ERCC2: variants seen among roughly 807,000 people sequenced by gnomAD.
The protein encoded by ERCC2 is ERCC excision repair 2, TFIIH core complex helicase subunit.
ERCC2 carries 90 observed loss-of-function variants against 99.4 expected under a neutral mutation model. The ratio of observed to expected loss-of-function variants is 0.91; its 90% CI spans 0.76 to 1.08. The LOEUF is 1.08. Ranked by LOEUF, ERCC2 falls within the 50% of genes least tolerant of loss-of-function variation. The pLI, the probability that ERCC2 is intolerant of heterozygous loss-of-function variation, is 0.00. For synonymous variants in ERCC2, 497 were observed against 432.4 expected (o/e 1.15, Z -1.85); for missense variants, 993 against 1,038.1 (o/e 0.96, Z 0.60).
chr19:45,352,953 G>T, intron 19 of ERCC2, 130 bp downstream of exon 19: 1 of 1,213,050 alleles, frequency 8.2e-7, no homozygotes, highest in Non-Finnish European at 1.2e-6. Flanking sequence ...GGGACAGAGG[G>T]GAGGGGAGGG....
rs1447777499 is a variant in ERCC2 at position 45,354,783 on chromosome 19, A to C, written c.1612T>G (p.Phe538Val). The C allele has an allele frequency of 6.2e-7, 1 of 1,614,112 alleles. No homozygotes were observed. Among genetic ancestry groups the C allele is most frequent in the Admixed American group, 1.7e-5 (1 of 60,026 alleles). ...TCCATGTACTGGTAGCTGGTGAAGAAGGCCACGATGCCATCAGGGACCACA... is the reference window on the plus strand; with the variant it reads ...TCCATGTACTGGTAGCTGGTGAAGACGGCCACGATGCCATCAGGGACCACA... ...SAVVPDGIVA[F>V]FTSYQYMEST... The change falls in exon 17 of 23, where the codon TTC becomes GTC. Residue 538 changes from phenylalanine to valine, a missense_variant. Physicochemically the swap from Phe to Val is conservative, Grantham distance 50. Coordinates refer to ENST00000391945, the MANE Select transcript of ERCC2 (RefSeq NM_000400.4).
intron 1 of ERCC2, 27 bp downstream of exon 1, chr19:45,370,509 G>T: frequency 5.3e-6 from 8 of 1,509,514 alleles, no homozygotes; most frequent in East Asian, 2.6e-5. Context: ...GCCCGCTAGC[G>T]AGCGCGACCC....
At chr19:45,352,856 G>A (rs1971862430) in intron 19 of ERCC2, 40 bp from the exon 20 acceptor site, 1 of 1,593,128 alleles carries the variant, frequency 6.3e-7, no homozygotes, top group Non-Finnish European at 8.6e-7. Flanking sequence ...GGTTACAAGT[G>A]TGGCTGGTGG....
chr19:45,359,387 G>A (rs973883067), intron 12 of ERCC2, among the ~76,000 whole-genome samples: 3 of 152,180 alleles, frequency 2.0e-5, no homozygotes, highest in African/African-American at 2.4e-5. Flanking sequence ...CCAGGGCAAG[G>A]GCCCAGATCT....
At chr19:45,353,666 CACT>C (rs1025978502) in intron 17 of ERCC2, among the ~76,000 whole-genome samples, 5 of 152,180 alleles carry the variant, frequency 3.3e-5, no homozygotes, top group African/African-American at 7.2e-5. Context: ...TCCCATATGA[CACT>C]ACAATAGAGA....
At position 45,352,340 on chromosome 19, in the gene ERCC2, C is replaced by T. The variant is rs761933302; in HGVS notation, c.2059G>A (p.Gly687Arg). Residue 687 changes from glycine to arginine, a missense_variant, in exon 22 of 23, where the codon GGG becomes AGG. Transcript: ENST00000391945. ...MVFADKRFAR[G>R]DKRGKLPRWI... Reference sequence around the variant, plus strand: ...CGGGGCAGCTTCCCCCGCTTGTCCCCACGGGCAAACCGCTGTGGGCAGAAG... The same window carrying T: ...CGGGGCAGCTTCCCCCGCTTGTCCCTACGGGCAAACCGCTGTGGGCAGAAG... 8 of 1,614,010 alleles carry T rather than the reference C, an allele frequency of 5.0e-6. No individual in the cohort carries two copies. The highest frequency in any genetic ancestry group is 6.8e-6 in the Non-Finnish European group (8 of 1,180,018).
In ERCC2 at chr19:45,356,780, C is replaced by T. The variant is rs559778874; in HGVS notation, c.1479+490G>A. 3.3e-5 allele frequency among the ~76,000 whole-genome samples: 5 copies of T among 152,314 alleles called. No homozygotes were observed. In the South Asian group the frequency reaches 1.0e-3, roughly 32 times the overall value. ...TGAGATCCGTGCCACTGCACTCCAG[C>T]CTGGGCAACAGAGCAAGACTCCGTC... is the stretch of plus-strand genomic sequence containing the variant. On this transcript the variant is annotated intron_variant, in intron 15 of 22. Transcript: ENST00000391945.
intron 5 of ERCC2, among the ~76,000 whole-genome samples, chr19:45,367,389 A>G (rs985957176): frequency 2.6e-5 from 4 of 151,228 alleles, no homozygotes; most frequent in Non-Finnish European, 4.4e-5. Context: ...ACACACACAC[A>G]CACACACACA....
At chr19:45,354,590 C>A in intron 17 of ERCC2, 140 bp downstream of exon 17, 1 of 1,071,300 alleles carries the variant, frequency 9.3e-7, no homozygotes, top group South Asian at 1.3e-5. Context: ...TGCTTACACC[C>A]CATTCCTACA....
In ERCC2 at chr19:45,350,000, G is replaced by A; in HGVS notation, c.*1629C>T. On this transcript the variant is annotated 3_prime_UTR_variant, in exon 23 of 23. Coordinates refer to ENST00000391945, the MANE Select transcript of ERCC2 (RefSeq NM_000400.4). ...GGCCATGCCACCAGCCCAAAGTACAGCAGACAGGCTCAGAAACAGGAGGCT... is the reference window on the plus strand; with the variant it reads ...GGCCATGCCACCAGCCCAAAGTACAACAGACAGGCTCAGAAACAGGAGGCT... The A allele has an allele frequency of 2.3e-6, 1 of 442,650 alleles. No individual in the cohort carries two copies. The highest frequency in any genetic ancestry group is 4.1e-6 in the Non-Finnish European group (1 of 245,516). 27.4% of individuals were successfully genotyped at this position (442,650 alleles called of 1,614,324 possible). A position where few individuals can be genotyped will look rare whatever the true frequency, so the allele number is the denominator to read the frequency against.
At chr19:45,364,182 G>T (rs1352733416) in intron 9 of ERCC2, 53 bp downstream of exon 9, 14 of 1,611,300 alleles carry the variant, frequency 8.7e-6, no homozygotes, top group Non-Finnish European at 1.1e-5. Flanking sequence ...TCAGACAGGG[G>T]CCAGGGTCCC....
Position 45,350,623 on chromosome 19 carries a change from TCCCCGGCCCCTC to T in ERCC2, c.*994_*1005del, listed in dbSNP as rs1568527592. 5 of 1,612,716 alleles carry T rather than the reference TCCCCGGCCCCTC, an allele frequency of 3.1e-6. No homozygotes were observed. The highest frequency in any genetic ancestry group is 1.3e-5 in the African/African-American group (1 of 74,766). On this transcript the variant is annotated 3_prime_UTR_variant, in exon 23 of 23. Coordinates refer to ENST00000391945, the MANE Select transcript of ERCC2 (RefSeq NM_000400.4). ...CATGGGCCTGGGGGACTGAGCAGCA[TCCCCGGCCCCTC>T]CCCAGGCCCTTCGCCGCAGCAGCTC...
Position 45,370,541 on chromosome 19 carries a change from G to A in ERCC2, c.-1C>T, listed in dbSNP as rs1972575136. On this transcript the variant is annotated 5_prime_UTR_variant, in exon 1 of 23. Transcript: ENST00000391945. ...ACCCCCAGCCCCCTTCTCACTTCAT[G>A]GCGCCGGCCGGACTGTGCAGCGGGG... is the stretch of plus-strand genomic sequence containing the variant. 1.3e-6 allele frequency: 2 copies of A among 1,587,860 alleles called. No homozygotes were observed. The highest frequency in any genetic ancestry group is 1.1e-5 in the South Asian group (1 of 88,876).
In ERCC2 at chr19:45,350,030, G is replaced by A; in HGVS notation, c.*1599C>T. 1 of 454,042 alleles carries A rather than the reference G, an allele frequency of 2.2e-6. No homozygotes were observed. Among genetic ancestry groups the A allele is most frequent in the South Asian group, 2.8e-5 (1 of 35,192 alleles). The allele number at this position is 454,042 out of a possible 1,614,324, so 28.1% of individuals were successfully genotyped here. ...CAGGCTCAGAAACAGGAGGCTGCCT[G>A]TCCTCCATCCCCAGGGCAGGAAGTA... is the stretch of plus-strand genomic sequence containing the variant. On this transcript the variant is annotated 3_prime_UTR_variant, in exon 23 of 23. Transcript: ENST00000391945.
intron 12 of ERCC2, 32 bp from the exon 13 acceptor site, chr19:45,357,731 A>G (rs1555776754): frequency 4.4e-6 from 7 of 1,594,160 alleles, no homozygotes; most frequent in Middle Eastern, 1.7e-4. Context: ...GGGTGAGATT[A>G]CCCCACTACA....
In ERCC2 at chr19:45,351,193, A is replaced by C; in HGVS notation, c.*436T>G. ...CTTGGGGTAGAGGCGAGGGGGTTGG[A>C]TAGTTGGCTGCCAGGCTGGACCTGG... On this transcript the variant is annotated 3_prime_UTR_variant, in exon 23 of 23. Transcript: ENST00000391945. The C allele has an allele frequency of 6.3e-7, 1 of 1,585,542 alleles. No homozygotes were observed. The highest frequency in any genetic ancestry group is 2.2e-5 in the East Asian group (1 of 44,580).
chr19:45,370,008 T>G, intron 2 of ERCC2, 125 bp downstream of exon 2: 4 of 823,172 alleles, frequency 4.9e-6, no homozygotes, highest in Non-Finnish European at 7.9e-6. Context: ...TAACGGAAGA[T>G]TATGGGGTCC....
chr19:45,367,069 T>C (rs1464136213), intron 5 of ERCC2, among the ~76,000 whole-genome samples: 2 of 152,046 alleles, frequency 1.3e-5, no homozygotes, highest in African/African-American at 4.8e-5. Context: ...CTGGGCACGA[T>C]GGCTCATGCC....
chr19:45,355,621 T>TC, intron 16 of ERCC2, 44 bp downstream of exon 16: 1 of 1,531,200 alleles, frequency 6.5e-7, no homozygotes, highest in Non-Finnish European at 9.1e-7. Context: ...CTGATACACC[T>TC]CCCCTCTTGG....
Sources: allele counts gnomAD v4.1 joint callset (sites outside exome capture counted in the v4.1 genomes callset), GRCh38; gene constraint gnomAD v4.1.1; transcripts MANE v1.5; gene names NCBI Gene and HGNC (gene_info 2026-07-23, HGNC 2026-07-21).